Variants in TTC17 observed in about 807,000 individuals in gnomAD.
TTC17 encodes tetratricopeptide repeat protein 17.
A neutral mutation model predicts 143.8 loss-of-function variants in TTC17; 58 were observed. That is an observed-to-expected ratio of 0.40 (90% confidence interval 0.33 to 0.50). The LOEUF (loss-of-function observed/expected upper bound fraction) is 0.50, where lower values mean the gene tolerates loss of function less well. TTC17 is among the 20% of genes least tolerant of loss of function. The probability of loss-of-function intolerance (pLI) is 0.49; values close to 1 mark genes in which losing one functional copy is unlikely to be tolerated. For missense variants in TTC17, 1,273 were observed against 1,392.5 expected, an observed-to-expected ratio of 0.91 and a Z score of 1.37; for synonymous variants, 501 against 497.8, an observed-to-expected ratio of 1.01 and a Z score of -0.09.
intron 16 of TTC17, among the ~76,000 whole-genome samples, chr11:43,430,709 G>GCGCACACACACACA (rs1554994150): frequency 1.3e-4 from 18 of 138,448 alleles, no homozygotes; most frequent in South Asian, 4.8e-4. Flanking sequence ...CTACATACAC[G>GCGCACACACACACA]CACACACACA....
intron 6 of TTC17, 47 bp downstream of exon 6, chr11:43,396,865 C>T: frequency 8.2e-7 from 1 of 1,219,272 alleles, no homozygotes; most frequent in Non-Finnish European, 1.2e-6. Context: ...TTCCTCAGGA[C>T]TGTTAAAGAA....
intron 21 of TTC17, among the ~76,000 whole-genome samples, chr11:43,469,158 C>A (rs1387670046): frequency 3.3e-5 from 5 of 151,800 alleles, no homozygotes; most frequent in African/African-American, 9.7e-5. Flanking sequence ...AAAACAAAAC[C>A]CCAGTGAAAT....
At chr11:43,380,684 C>G (rs1356691864) in intron 2 of TTC17, among the ~76,000 whole-genome samples, 1 of 152,186 alleles carries the variant, frequency 6.6e-6, no homozygotes, top group Non-Finnish European at 1.5e-5. Flanking sequence ...TAAATATGTA[C>G]TTTTAAAAAA....
At chr11:43,394,609 A>G (rs1257944427) in intron 5 of TTC17, among the ~76,000 whole-genome samples, 1 of 152,208 alleles carries the variant, frequency 6.6e-6, no homozygotes, top group African/African-American at 2.4e-5. Context: ...AACAACTAGA[A>G]GGAAGAGAGG....
intron 1 of TTC17, among the ~76,000 whole-genome samples, chr11:43,365,432 C>T (rs1199802150): frequency 1.3e-5 from 2 of 152,118 alleles, no homozygotes; most frequent in African/African-American, 4.8e-5. Context: ...CCACACCCAG[C>T]TAATTTTTGT....
intron 1 of TTC17, among the ~76,000 whole-genome samples, chr11:43,360,615 C>T (rs563079080): frequency 6.6e-6 from 1 of 152,264 alleles, no homozygotes; most frequent in East Asian, 1.9e-4. Flanking sequence ...TGGTGTCCTA[C>T]CACTCAGCTG....
chr11:43,420,010 T>C (rs1452691608), intron 16 of TTC17, among the ~76,000 whole-genome samples: 1 of 152,252 alleles, frequency 6.6e-6, no homozygotes, highest in African/African-American at 2.4e-5. Context: ...ATGTAATGTG[T>C]CTAAATCTGT....
At chr11:43,416,372 G>A (rs1946780677) in intron 16 of TTC17, among the ~76,000 whole-genome samples, 1 of 152,024 alleles carries the variant, frequency 6.6e-6, no homozygotes, top group East Asian at 1.9e-4. Flanking sequence ...GAAGCATTTT[G>A]TCACTGTATA....
At position 43,414,894 on chromosome 11, in the gene TTC17, A is replaced by G. The variant is rs185373692; in HGVS notation, c.2251+118A>G. 112 of 1,067,300 alleles carry G rather than the reference A, an allele frequency of 1.0e-4. No homozygotes were observed. In the African/African-American group the frequency reaches 1.6e-3, roughly 15 times the overall value. 66.1% of individuals were successfully genotyped at this position (1,067,300 alleles called of 1,614,324 possible). A position where few individuals can be genotyped will look rare whatever the true frequency, so the allele number is the denominator to read the frequency against. ...CCCAAGGATTTTAGATAACCAGTAT[A>G]ATTCCAGATGCATAGGAAAAGATGT... is the stretch of plus-strand genomic sequence containing the variant. On this transcript the variant is annotated intron_variant, in intron 16 of 23. Transcript: ENST00000039989.
intron 9 of TTC17, 130 bp downstream of exon 9, chr11:43,400,178 C>A: frequency 2.0e-6 from 2 of 1,025,454 alleles, no homozygotes; most frequent in Non-Finnish European, 2.8e-6. Flanking sequence ...ATCTCGAAAG[C>A]ATGATTCATC....
chr11:43,410,366 A>T (rs549696892), intron 15 of TTC17, among the ~76,000 whole-genome samples: 1 of 152,180 alleles, frequency 6.6e-6, no homozygotes, highest in East Asian at 1.9e-4. Flanking sequence ...CTATTGTTAG[A>T]TTTCAAGTGT....
intron 21 of TTC17, among the ~76,000 whole-genome samples, chr11:43,456,032 A>G (rs1947755448): frequency 6.6e-6 from 1 of 152,200 alleles, no homozygotes; most frequent in Non-Finnish European, 1.5e-5. Flanking sequence ...TACTGAATTG[A>G]TTTACTATTT....
intron 2 of TTC17, among the ~76,000 whole-genome samples, chr11:43,382,502 A>G (rs920010890): frequency 1.7e-4 from 26 of 152,236 alleles, no homozygotes; most frequent in Non-Finnish European, 3.2e-4. Context: ...AAAATAACTG[A>G]ATAAATTAAA....
In TTC17 at chr11:43,492,154, C is replaced by T. The variant is rs781182856; in HGVS notation, c.3285C>T (p.Tyr1095=). The part of the protein sequence containing the change: ...AVNHFTLGNV[Y]VAMEEFEKAL... Reference sequence around the variant, plus strand: ...ACCACTTCACTCTGGGCAATGTCTACGTGGCAATGGTGAGATGGGGGTGTG... The same window carrying T: ...ACCACTTCACTCTGGGCAATGTCTATGTGGCAATGGTGAGATGGGGGTGTG... Residue 1095 remains tyrosine (Y), a synonymous_variant, in exon 23 of 24, where the codon TAC becomes TAT. Coordinates refer to ENST00000039989, the MANE Select transcript of TTC17 (RefSeq NM_018259.6). The T allele has an allele frequency of 3.1e-6, 5 of 1,613,870 alleles. No individual in the cohort carries two copies. The highest frequency in any genetic ancestry group is 2.2e-5 in the East Asian group (1 of 44,890).
intron 18 of TTC17, among the ~76,000 whole-genome samples, chr11:43,445,436 CAG>C (rs1947520194): frequency 6.6e-6 from 1 of 152,120 alleles, no homozygotes; most frequent in South Asian, 2.1e-4. Context: ...TGGGTGCTAA[CAG>C]AGCTATAGGT....
chr11:43,474,346 G>A (rs900628418), intron 21 of TTC17, among the ~76,000 whole-genome samples: 57 of 152,136 alleles, frequency 3.7e-4, no homozygotes, highest in Non-Finnish European at 1.5e-5. Flanking sequence ...GATATATGTA[G>A]AGAAAAAGAT....
At chr11:43,360,108 G>A (rs188029537) in intron 1 of TTC17, among the ~76,000 whole-genome samples, 51 of 152,286 alleles carry the variant, frequency 3.3e-4, no homozygotes, top group African/African-American at 1.2e-3. Context: ...GAAATTACTG[G>A]TCCTTTGGAT....
chr11:43,391,206 C>T (rs79878924), intron 3 of TTC17, among the ~76,000 whole-genome samples: 1 of 152,198 alleles, frequency 6.6e-6, no homozygotes, highest in African/African-American at 2.4e-5. Flanking sequence ...CAGAACTACC[C>T]TGGGCAACAT....
intron 21 of TTC17, among the ~76,000 whole-genome samples, chr11:43,462,058 G>A (rs1947878270): frequency 6.9e-6 from 1 of 144,140 alleles, no homozygotes; most frequent in Admixed American, 7.0e-5. Flanking sequence ...GAGGAAGACT[G>A]TGTAACTTAA....
Sources: gnomAD v4.1 joint callset for allele counts (sites outside exome capture counted in the v4.1 genomes callset) on GRCh38, gnomAD v4.1.1 for gene constraint, MANE v1.5 for transcripts, NCBI Gene and HGNC (gene_info 2026-07-23, HGNC 2026-07-21) for gene names.